Variants in FTH1 observed in about 807,000 individuals in gnomAD.
FTH1 encodes the protein ferritin heavy chain 1.
In FTH1, 3 loss-of-function variants were observed where a neutral mutation model predicts 21.8. The ratio of observed to expected loss-of-function variants is 0.14; its 90% CI spans 0.06 to 0.36. The LOEUF (loss-of-function observed/expected upper bound fraction) is 0.36, where lower values mean the gene tolerates loss of function less well. FTH1 is among the 10% of genes least tolerant of loss of function. The pLI, the probability that FTH1 is intolerant of heterozygous loss-of-function variation, is 1.00. For synonymous variants in FTH1, 83 were observed against 90.1 expected, an observed-to-expected ratio of 0.92 and a Z score of 0.45; for missense variants, 147 against 225.8, an observed-to-expected ratio of 0.65 and a Z score of 2.24.
At chr11:61,966,796 T>C (rs1201335523) in intron 1 of FTH1, among the ~76,000 whole-genome samples, 1 of 152,194 alleles carries the variant, frequency 6.6e-6, no homozygotes, top group Admixed American at 6.5e-5. Flanking sequence ...GAGAGGTGGA[T>C]ACGGCTGCTC....
chr11:61,965,710 A>C (rs558574166), intron 1 of FTH1, 195 bp from the exon 2 acceptor site: 1 of 658,794 alleles, frequency 1.5e-6, no homozygotes, highest in South Asian at 1.6e-5. Context: ...TTTCTATTCT[A>C]AAATAGAAAA....
At chr11:61,966,498 ACAAGGCAATTCTAAGGAAGACTC>A (rs1942465251) in intron 1 of FTH1, among the ~76,000 whole-genome samples, 1 of 152,208 alleles carries the variant, frequency 6.6e-6, no homozygotes, top group African/African-American at 2.4e-5. Context: ...TTGGACAATC[ACAAGGCAATTCTAAGGAAGACTC>A]CCACGACACT....
At chr11:61,966,245 G>T (rs1370399322) in intron 1 of FTH1, among the ~76,000 whole-genome samples, 1 of 152,206 alleles carries the variant, frequency 6.6e-6, no homozygotes, top group Non-Finnish European at 1.5e-5. Flanking sequence ...CTGCACTCCA[G>T]CCTGGGCGAC....
At chr11:61,965,169 A>G (rs1942423000) in intron 2 of FTH1, 57 bp from the exon 3 acceptor site, 2 of 1,601,932 alleles carry the variant, frequency 1.2e-6, no homozygotes, top group African/African-American at 1.3e-5. Context: ...CAGCAAGCCC[A>G]TCATCTCTAA....
intron 1 of FTH1, chr11:61,967,056 G>A: frequency 3.4e-6 from 1 of 295,094 alleles, no homozygotes; most frequent in Non-Finnish European, 6.1e-6. Flanking sequence ...GGACACCAAG[G>A]TCTCCTTAAA....
In FTH1 at chr11:61,964,763, G is replaced by A. The variant is rs767678543; in HGVS notation, c.516C>T (p.Asp172=). ...PESGLAEYLF[D]KHTLGDSDNE... ...TATCACTGTCTCCCAGGGTGTGCTT[G>A]TCAAAGAGATATTCCGCCAAGCCAG... Residue 172 remains aspartate (D), a synonymous_variant, in exon 4 of 4, where the codon GAC becomes GAT. Transcript: ENST00000273550. The A allele has an allele frequency of 1.3e-6, 2 of 1,599,372 alleles. No individual in the cohort carries two copies.
At chr11:61,965,561 C>G in intron 1 of FTH1, 46 bp from the exon 2 acceptor site, 4 of 1,595,902 alleles carry the variant, frequency 2.5e-6, no homozygotes, top group South Asian at 1.1e-5. Flanking sequence ...TCCCCAGAGA[C>G]AGGTAGCTGT....
intron 2 of FTH1, 58 bp from the exon 3 acceptor site, chr11:61,965,170 T>C: frequency 2.5e-6 from 4 of 1,602,020 alleles, no homozygotes; most frequent in East Asian, 2.2e-5. Context: ...AGCAAGCCCA[T>C]CATCTCTAAC....
Position 61,967,478 on chromosome 11 carries a change from G to A in FTH1, c.-53C>T. ...GCGGCGGTGGCTGCGCGGCGCTGGA[G>A]CGGCGGCGGGGGCCTTGGGGCAGTC... On this transcript the variant is annotated 5_prime_UTR_variant, in exon 1 of 4. Coordinates refer to ENST00000273550, the MANE Select transcript of FTH1 (RefSeq NM_002032.3). The A allele has an allele frequency of 1.6e-6, 2 of 1,278,004 alleles. No homozygotes were observed. Among genetic ancestry groups the A allele is most frequent in the Non-Finnish European group, 2.2e-6 (2 of 906,496 alleles). 79.2% of individuals were successfully genotyped at this position (1,278,004 alleles called of 1,614,324 possible). A position where few individuals can be genotyped will look rare whatever the true frequency, so the allele number is the denominator to read the frequency against.
rs781369198 is a variant in FTH1, at chr11:61,965,075, G to T, written c.299C>A (p.Ala100Glu). The T allele has an allele frequency of 7.5e-6, 12 of 1,608,690 alleles. No homozygotes were observed. The highest frequency in any genetic ancestry group is 1.0e-5 in the Non-Finnish European group (12 of 1,179,954). Residue 100 changes from alanine (A) to glutamate (E), a missense_variant, in exon 3 of 4, where the codon GCA (alanine) becomes GAA (glutamate). Transcript: ENST00000273550. ...TTCCAAATGTAATGCACACTCCATT[G>T]CATTCAGCCCGCTCTCCCAGTCATC... is the stretch of plus-strand genomic sequence containing the variant. Reference protein sequence around the residue: ...DCDDWESGLNAMECALHLEKN... With the variant: ...DCDDWESGLNEMECALHLEKN...
At chr11:61,965,605 G>A in intron 1 of FTH1, 90 bp from the exon 2 acceptor site, 1 of 1,434,014 alleles carries the variant, frequency 7.0e-7, no homozygotes, top group Non-Finnish European at 9.7e-7. Flanking sequence ...GGTCTCGTCA[G>A]CCTAGGCTTC....
In FTH1 at chr11:61,965,022, G is replaced by T. The variant is rs1304849089; in HGVS notation, c.352C>A (p.Leu118Met). Residue 118 changes from leucine (L) to methionine (M), a missense_variant, in exon 3 of 4, where the codon CTG becomes ATG. Leu to Met is a conservative substitution (Grantham distance 15). Transcript: ENST00000273550. The stretch of plus-strand genomic sequence containing the variant: ...TTTTTGTCAGTGGCCAGTTTGTGCA[G>T]TTCCAGTAGTGACTGATTCACATTT... ...EKNVNQSLLE[L>M]HKLATDKNDP... 6.2e-7 allele frequency: 1 copy of T among 1,613,672 alleles called. No individual in the cohort carries two copies. Among genetic ancestry groups the T allele is most frequent in the African/African-American group, 1.3e-5 (1 of 74,892 alleles).
intron 1 of FTH1, 28 bp downstream of exon 1, chr11:61,967,272 CGCCCGGCCCCCG>C: frequency 7.3e-7 from 1 of 1,376,844 alleles, no homozygotes; most frequent in South Asian, 1.3e-5. Context: ...CCGGGAACCG[CGCCCGGCCCCCG>C]CCACCGCTTA....
rs552466453 is a variant in FTH1, at chr11:61,964,698, C to T, written c.*29G>A. The T allele has an allele frequency of 3.1e-6, 5 of 1,597,532 alleles. No homozygotes were observed. The highest frequency in any genetic ancestry group is 3.4e-6 in the Non-Finnish European group (4 of 1,179,736). On this transcript the variant is annotated 3_prime_UTR_variant, in exon 4 of 4. Coordinates refer to ENST00000273550, the MANE Select transcript of FTH1 (RefSeq NM_002032.3). The stretch of plus-strand genomic sequence containing the variant: ...TGCCTTGGTGACCAGGGAAGTCACC[C>T]CACGGCTATGGGGAAATTAGCCCGA...
chr11:61,966,171 G>A (rs1164414107), intron 1 of FTH1, among the ~76,000 whole-genome samples: 1 of 152,094 alleles, frequency 6.6e-6, no homozygotes, highest in East Asian at 1.9e-4. Context: ...CTACTCAGGA[G>A]CCTGAGGTAA....
chr11:61,965,185 A>C, intron 2 of FTH1, 73 bp from the exon 3 acceptor site: 3 of 1,600,054 alleles, frequency 1.9e-6, no homozygotes, highest in Non-Finnish European at 2.5e-6. Context: ...TCTAACCACC[A>C]CGTTTTGGCA....
In FTH1 at chr11:61,965,298, G is replaced by GT; in HGVS notation, c.261+70dup. The stretch of plus-strand genomic sequence containing the variant: ...CATCACTTTATAAGGGCAATTGCTA[G>GT]TTTAAGTGATTTCTGATACCCGAAC... On this transcript the variant is annotated intron_variant, in intron 2 of 3. Transcript: ENST00000273550. The GT allele has an allele frequency of 2.5e-6, 4 of 1,606,042 alleles. No homozygotes were observed. In the East Asian group the frequency reaches 6.7e-5, roughly 27 times the overall value.
intron 2 of FTH1, 99 bp from the exon 3 acceptor site, chr11:61,965,211 T>G: frequency 6.3e-7 from 1 of 1,594,696 alleles, no homozygotes; most frequent in South Asian, 1.1e-5. Context: ...GACATTACTA[T>G]TTGCCTAATT....
At chr11:61,967,278 G>GC in intron 1 of FTH1, 34 bp downstream of exon 1, 1 of 1,419,432 alleles carries the variant, frequency 7.0e-7, no homozygotes, top group African/African-American at 1.5e-5. Flanking sequence ...ACCGCGCCCG[G>GC]CCCCCGCCAC....
Sources: gnomAD v4.1 joint callset for allele counts (sites outside exome capture counted in the v4.1 genomes callset) on GRCh38, gnomAD v4.1.1 for gene constraint, MANE v1.5 for transcripts, NCBI Gene and HGNC (gene_info 2026-07-23, HGNC 2026-07-21) for gene names.